The following TMPRSS11D variants were observed in gnomAD, a reference collection of about 807,000 sequenced individuals.
TMPRSS11D encodes the protein transmembrane serine protease 11D, also known as transmembrane protease serine 11D.
In TMPRSS11D, 32 loss-of-function variants were observed where a neutral mutation model predicts 44.4. That is an observed-to-expected ratio of 0.72 (90% CI 0.54 to 0.97). The LOEUF (loss-of-function observed/expected upper bound fraction) is 0.97, where lower values mean the gene tolerates loss of function less well. TMPRSS11D is among the 50% of genes least tolerant of loss of function. TMPRSS11D has a pLI of 0.00. For missense variants in TMPRSS11D, 446 were observed against 502.6 expected (o/e 0.89, Z 1.08); for synonymous variants, 179 against 177.9 (o/e 1.01, Z -0.05).
intron 3 of TMPRSS11D, 49 bp downstream of exon 3, chr4:67,854,019 C>A: frequency 9.1e-7 from 1 of 1,097,002 alleles, no homozygotes; most frequent in Middle Eastern, 2.3e-4. Context: ...GGTTTATTAT[C>A]ATATTCATTT....
chr4:67,872,135 G>A (rs950787869), intron 1 of TMPRSS11D, among the ~76,000 whole-genome samples: 5 of 152,116 alleles, frequency 3.3e-5, no homozygotes, highest in African/African-American at 1.2e-4. Flanking sequence ...GTCATTCATA[G>A]AGCCATGAAG....
chr4:67,865,350 C>T (rs1718896396), intron 1 of TMPRSS11D, among the ~76,000 whole-genome samples: 1 of 151,584 alleles, frequency 6.6e-6, no homozygotes. Context: ...ACCAAACCCT[C>T]TAAAATATAG....
chr4:67,873,700 C>T (rs1184618006), intron 1 of TMPRSS11D, among the ~76,000 whole-genome samples: 3 of 152,108 alleles, frequency 2.0e-5, no homozygotes, highest in Admixed American at 6.6e-5. Flanking sequence ...CCTGAGTCTG[C>T]GTTTCCAACA....
chr4:67,859,598 A>C lies in TMPRSS11D; in HGVS notation c.89T>G (p.Leu30Arg). 1 of 1,613,334 alleles carries C rather than the reference A, an allele frequency of 6.2e-7. No homozygotes were observed. The highest frequency in any genetic ancestry group is 8.5e-7 in the Non-Finnish European group (1 of 1,179,430). ...AACAAGTAGAGCTATGGTGACTGCC[A>C]GGATCACTACCCCTGCGACGACAAT... ...CFIVVAGVVI[L>R]AVTIALLVYF... Residue 30 changes from leucine (L) to arginine (R), a missense_variant, in exon 2 of 10, where the codon CTG becomes CGG. Physicochemically the swap from Leu to Arg is moderately radical, Grantham distance 102. Transcript: ENST00000283916.
At chr4:67,881,223 G>A (rs1362480567) in intron 1 of TMPRSS11D, among the ~76,000 whole-genome samples, 1 of 152,146 alleles carries the variant, frequency 6.6e-6, no homozygotes, top group African/African-American at 2.4e-5. Context: ...CTTATTTTAG[G>A]GGTGCCAGTC....
At chr4:67,867,910 G>A (rs1013178635) in intron 1 of TMPRSS11D, among the ~76,000 whole-genome samples, 1 of 152,074 alleles carries the variant, frequency 6.6e-6, no homozygotes, top group Non-Finnish European at 1.5e-5. Context: ...ACAATGTGGA[G>A]ACTTCTCAAA....
chr4:67,831,260 CT>C (rs1485885606), intron 7 of TMPRSS11D, among the ~76,000 whole-genome samples: 1 of 152,014 alleles, frequency 6.6e-6, no homozygotes, highest in Non-Finnish European at 1.5e-5. Context: ...CAATAATCCT[CT>C]TTGATAAGAC....
At chr4:67,830,194 A>T (rs987215724) in intron 7 of TMPRSS11D, among the ~76,000 whole-genome samples, 1 of 152,092 alleles carries the variant, frequency 6.6e-6, no homozygotes, top group African/African-American at 2.4e-5. Context: ...AATTAAAGAC[A>T]TATACATACA....
At chr4:67,838,113 G>C in intron 5 of TMPRSS11D, 59 bp downstream of exon 5, 1 of 1,327,728 alleles carries the variant, frequency 7.5e-7, no homozygotes, top group South Asian at 1.9e-5. Flanking sequence ...ATATGAATTT[G>C]AATTGGTAAA....
In TMPRSS11D at chr4:67,871,191, T is replaced by C. The variant is rs530706064; in HGVS notation, c.9-11513A>G. On this transcript the variant is annotated intron_variant, in intron 1 of 9. Transcript: ENST00000283916. Reference sequence around the variant, plus strand: ...AGTCTTTATTCATTAGTCAAGCTAATTTGTAGCCTTTTCAGGGAAAGAATT... The same window carrying C: ...AGTCTTTATTCATTAGTCAAGCTAACTTGTAGCCTTTTCAGGGAAAGAATT... Among the ~76,000 whole-genome samples the C allele has an allele frequency of 5.1e-4, 77 of 152,266 alleles. 1 individual carries two copies. Among genetic ancestry groups the C allele is most frequent in the African/African-American group, 1.8e-3 (75 of 41,556 alleles).
chr4:67,827,405 C>G lies in TMPRSS11D; in HGVS notation c.808G>C (p.Glu270Gln), dbSNP rs1717826373. Reference sequence around the variant, plus strand: ...AGTCTCACAAGTGCAATGTCATTTTCATGAGTTGCAGATTTATAATTGTTA... The same window carrying G: ...AGTCTCACAAGTGCAATGTCATTTTGATGAGTTGCAGATTTATAATTGTTA... ...IHNNYKSATH[E>Q]NDIALVRLEN... The change falls in exon 8 of 10, where the codon GAA becomes CAA. Residue 270 changes from glutamate to glutamine, a missense_variant. Physicochemically the swap from Glu to Gln is conservative, Grantham distance 29 (BLOSUM62 2). Transcript: ENST00000283916. The G allele has an allele frequency of 1.9e-6, 3 of 1,613,156 alleles. No individual in the cohort carries two copies. The highest frequency in any genetic ancestry group is 1.6e-4 in the Middle Eastern group (1 of 6,080).
chr4:67,827,216 A>G (rs201494345), intron 8 of TMPRSS11D, 45 bp downstream of exon 8: 1 of 1,549,876 alleles, frequency 6.5e-7, no homozygotes, highest in African/African-American at 1.4e-5. Context: ...CTAATAGCAA[A>G]TATAAGACAT....
chr4:67,850,578 A>G (rs969988038), intron 3 of TMPRSS11D, among the ~76,000 whole-genome samples: 8 of 152,154 alleles, frequency 5.3e-5, no homozygotes, highest in African/African-American at 1.7e-4. Context: ...ACCCCAGGGA[A>G]GCGCAGCAGC....
At chr4:67,867,002 A>G (rs1718940364) in intron 1 of TMPRSS11D, among the ~76,000 whole-genome samples, 1 of 137,022 alleles carries the variant, frequency 7.3e-6, no homozygotes, top group Admixed American at 6.9e-5. Context: ...ATATAAAACC[A>G]AAAAAAGAGC....
chr4:67,828,162 C>G (rs1475206895), intron 7 of TMPRSS11D, among the ~76,000 whole-genome samples: 2 of 151,904 alleles, frequency 1.3e-5, no homozygotes, highest in Non-Finnish European at 2.9e-5. Context: ...TGCAGATAAA[C>G]TCATACTAAC....
chr4:67,872,811 G>A (rs1482141816), intron 1 of TMPRSS11D, among the ~76,000 whole-genome samples: 2 of 152,148 alleles, frequency 1.3e-5, no homozygotes, highest in African/African-American at 2.4e-5. Context: ...TGGAATACAG[G>A]AGTGTGTTAG....
chr4:67,833,179 G>A (rs372118955), intron 7 of TMPRSS11D, 25 bp downstream of exon 7: 1 of 1,409,994 alleles, frequency 7.1e-7, no homozygotes, highest in African/African-American at 1.5e-5. Context: ...ATTGTTCCCA[G>A]ATGGGTAGGT....
At chr4:67,846,644 T>C (rs1718363715) in intron 3 of TMPRSS11D, among the ~76,000 whole-genome samples, 1 of 152,184 alleles carries the variant, frequency 6.6e-6, no homozygotes, top group African/African-American at 2.4e-5. Context: ...TTCCATGATG[T>C]CAATTGGTTA....
At position 67,827,552 on chromosome 4, in the gene TMPRSS11D, A is replaced by G. The variant is rs535178440; in HGVS notation, c.693-32T>C. 89 of 1,547,250 alleles carry G rather than the reference A, an allele frequency of 5.8e-5. 2 individuals carry two copies. The Middle Eastern group carries it at 1.5e-3, about 25-fold the overall frequency. On this transcript the variant is annotated intron_variant, in intron 7 of 9. Transcript: ENST00000283916. ...CATTATGAAAACATGCTATATGAGT[A>G]GGGAATTTGTGAACATTTCAGATAT...
Sources: gnomAD v4.1 joint callset for allele counts (sites outside exome capture counted in the v4.1 genomes callset) on GRCh38, gnomAD v4.1.1 for gene constraint, MANE v1.5 for transcripts, NCBI Gene and HGNC (gene_info 2026-07-23, HGNC 2026-07-21) for gene names.